The following BTAF1 variants were observed in gnomAD, a reference collection of about 807,000 sequenced individuals.
The protein encoded by BTAF1 is TATA-binding protein-associated factor 172.
A neutral mutation model predicts 227.1 loss-of-function variants in BTAF1; 38 were observed. The ratio of observed to expected loss-of-function variants is 0.17; its 90% CI spans 0.13 to 0.22. BTAF1 has a LOEUF of 0.22. BTAF1 is among the 10% of genes least tolerant of loss of function. BTAF1 has a pLI of 1.00. For synonymous variants in BTAF1, 742 were observed against 751.9 expected (o/e 0.99, Z 0.21); for missense variants, 1,598 against 2,204.0 (o/e 0.73, Z 5.51).
chr10:91,932,877 C>G (rs770613080), intron 1 of BTAF1, among the ~76,000 whole-genome samples: 1 of 152,178 alleles, frequency 6.6e-6, no homozygotes, highest in Non-Finnish European at 1.5e-5. Flanking sequence ...CAGGCACACC[C>G]GAAGATCACC....
intron 8 of BTAF1, among the ~76,000 whole-genome samples, chr10:91,958,686 G>C (rs1479589684): frequency 6.6e-6 from 1 of 152,150 alleles, no homozygotes; most frequent in African/African-American, 2.4e-5. Flanking sequence ...CTGGGCAACA[G>C]AGTGAGACTC....
intron 32 of BTAF1, among the ~76,000 whole-genome samples, chr10:92,014,413 G>A (rs1437711627): frequency 6.6e-6 from 1 of 152,094 alleles, no homozygotes; most frequent in African/African-American, 2.4e-5. Flanking sequence ...GTTTTGTAGA[G>A]ACTGGGTCTT....
intron 4 of BTAF1, among the ~76,000 whole-genome samples, chr10:91,943,665 T>G (rs1366639311): frequency 2.6e-5 from 4 of 152,336 alleles, no homozygotes; most frequent in East Asian, 3.9e-4. Flanking sequence ...GCTTAAGTTT[T>G]GGAAAAGCAT....
chr10:91,924,524 G>A (rs149944388), intron 1 of BTAF1, among the ~76,000 whole-genome samples: 34 of 152,278 alleles, frequency 2.2e-4, no homozygotes, highest in African/African-American at 7.5e-4. Context: ...TATGTTACCA[G>A]TTTTAATTTA....
In BTAF1 at chr10:91,992,317, GTT is replaced by G. The variant is rs112721454; in HGVS notation, c.3045+22_3045+23del. 5.6e-3 allele frequency: 7,787 copies of G among 1,397,736 alleles called. No individual in the cohort carries two copies. Among genetic ancestry groups the G allele is most frequent in the Non-Finnish European group, 6.0e-3 (6,244 of 1,045,720 alleles). The allele number at this position is 1,397,736 out of a possible 1,614,324, so 86.6% of individuals were successfully genotyped here. A position where few individuals can be genotyped will look rare whatever the true frequency, so the allele number is the denominator to read the frequency against. ...CTTGTTGAACTTGATGAGGTAAGTAGTTTTTTTTTTTTTTTAATGCTTTGATT... is the reference window on the plus strand; with the variant it reads ...CTTGTTGAACTTGATGAGGTAAGTAGTTTTTTTTTTTTTAATGCTTTGATT... On this transcript the variant is annotated intron_variant, in intron 21 of 37. Coordinates refer to ENST00000265990, the MANE Select transcript of BTAF1 (RefSeq NM_003972.3).
At position 91,940,024 on chromosome 10, in the gene BTAF1, A is replaced by G. The variant is rs759432445; in HGVS notation, c.211A>G (p.Lys71Glu). The stretch of plus-strand genomic sequence containing the variant: ...AGGACAAGCTGTTGAAGCTATAGTG[A>G]AAAATGTACCTGAGTGGAATCCAGT... ...AAGQAVEAIVKNVPEWNPVPR... is the reference protein window; with the variant it reads ...AAGQAVEAIVENVPEWNPVPR... Residue 71 changes from lysine (K) to glutamate (E), a missense_variant, in exon 3 of 38, where the codon AAA becomes GAA. By Grantham distance (56) the Lys-to-Glu change is moderately conservative (BLOSUM62 1). Coordinates refer to ENST00000265990, the MANE Select transcript of BTAF1 (RefSeq NM_003972.3). The G allele has an allele frequency of 1.4e-5, 22 of 1,612,298 alleles. No individual in the cohort carries two copies. The Admixed American group carries it at 3.2e-4, about 23-fold the overall frequency.
At chr10:91,959,314 G>T (rs1197396925) in intron 9 of BTAF1, 160 bp downstream of exon 9, 20 of 1,408,782 alleles carry the variant, frequency 1.4e-5, no homozygotes, top group Non-Finnish European at 1.8e-5. Flanking sequence ...GAAAAGTAGA[G>T]TAAGATGAAT....
rs567134418 is a variant in BTAF1 at position 91,990,141 on chromosome 10, G to T, written c.2854+561G>T. On this transcript the variant is annotated intron_variant, in intron 20 of 37. Transcript: ENST00000265990. ...CTGTAGGCAGGTCTTAAAGACCAGT[G>T]TTTTATTCATATGACTCAGTCCTAT... Among the ~76,000 whole-genome samples the T allele has an allele frequency of 2.0e-5, 3 of 152,270 alleles. No homozygotes were observed. In the South Asian group the frequency reaches 6.2e-4, roughly 32 times the overall value.
At chr10:91,964,002 C>G (rs1846709822) in intron 12 of BTAF1, 75 bp from the exon 13 acceptor site, 1 of 1,539,036 alleles carries the variant, frequency 6.5e-7, no homozygotes, top group Non-Finnish European at 8.9e-7. Context: ...GTAGTGACCC[C>G]TGGGATACCA....
At chr10:91,990,060 T>C (rs1848634457) in intron 20 of BTAF1, among the ~76,000 whole-genome samples, 1 of 152,246 alleles carries the variant, frequency 6.6e-6, no homozygotes, top group Non-Finnish European at 1.5e-5. Context: ...AAATAATACT[T>C]AACCAACTTT....
chr10:91,966,334 A>G (rs1342031948), intron 13 of BTAF1, among the ~76,000 whole-genome samples: 2 of 152,174 alleles, frequency 1.3e-5, no homozygotes, highest in African/African-American at 4.8e-5. Context: ...GAACAATTAC[A>G]TTGGAAAGTC....
chr10:91,977,448 C>T (rs559211857), intron 14 of BTAF1, among the ~76,000 whole-genome samples: 1 of 151,990 alleles, frequency 6.6e-6, no homozygotes, highest in Non-Finnish European at 1.5e-5. Flanking sequence ...GAATAATACT[C>T]CATTGTCTAG....
chr10:92,010,071 A>C (rs1021864564), intron 28 of BTAF1, among the ~76,000 whole-genome samples: 4 of 152,128 alleles, frequency 2.6e-5, no homozygotes, highest in Non-Finnish European at 4.4e-5. Flanking sequence ...ATTGTGTATT[A>C]TGTATAGAAG....
intron 24 of BTAF1, among the ~76,000 whole-genome samples, chr10:91,996,803 T>C (rs59782541): frequency 0.012 from 1,843 of 152,342 alleles, 35 homozygotes; most frequent in African/African-American, 0.041. Context: ...GGAAAATTGC[T>C]ATTGATTTTA....
chr10:91,941,244 TAA>T (rs1217141066), intron 3 of BTAF1, among the ~76,000 whole-genome samples: 4 of 152,242 alleles, frequency 2.6e-5, no homozygotes, highest in African/African-American at 7.2e-5. Context: ...GTTCCGTTTT[TAA>T]AAGACTTAAT....
Position 92,026,716 on chromosome 10 carries a change from C to A in BTAF1, c.5200C>A (p.Leu1734Ile). 6.2e-7 allele frequency: 1 copy of A among 1,613,930 alleles called. No homozygotes were observed. Among genetic ancestry groups the A allele is most frequent in the South Asian group, 1.1e-5 (1 of 91,028 alleles). ...GCATGACTGGAATCCTATGCGAGAT[C>A]TACAAGCCATGGACCGGGCCCATCG... is the stretch of plus-strand genomic sequence containing the variant. ...VEHDWNPMRD[L>I]QAMDRAHRIG... Residue 1734 changes from leucine (L) to isoleucine (I), a missense_variant, in exon 36 of 38, where the codon CTA (leucine) becomes ATA (isoleucine). Around this residue, in one of 10 missense-constraint regions of BTAF1, gnomAD observed 20 missense variants for 56.8 expected, o/e 0.35. Coordinates refer to ENST00000265990, the MANE Select transcript of BTAF1 (RefSeq NM_003972.3).
intron 2 of BTAF1, among the ~76,000 whole-genome samples, chr10:91,938,533 C>G (rs1398363599): frequency 6.6e-6 from 1 of 152,182 alleles, no homozygotes; most frequent in Non-Finnish European, 1.5e-5. Context: ...ATTATTTCTC[C>G]ATTGAATTGT....
At chr10:91,942,126 AAAAAACAC>A (rs1273517448) in intron 3 of BTAF1, among the ~76,000 whole-genome samples, 1 of 152,150 alleles carries the variant, frequency 6.6e-6, no homozygotes, top group Admixed American at 6.5e-5. Context: ...AAAAATAAAT[AAAAAACAC>A]TTAGCTAGGC....
chr10:91,948,229 GT>G (rs985486267), intron 4 of BTAF1, among the ~76,000 whole-genome samples: 1 of 142,096 alleles, frequency 7.0e-6, no homozygotes. Context: ...TCATTGTTCA[GT>G]TCCCACCTAT....
Sources: allele counts gnomAD v4.1 joint callset (sites outside exome capture counted in the v4.1 genomes callset), GRCh38; gene constraint gnomAD v4.1.1; regional missense constraint gnomAD v4.1.1; transcripts MANE v1.5; gene names NCBI Gene and HGNC (gene_info 2026-07-23, HGNC 2026-07-21).